PRKN: variants seen among roughly 807,000 people sequenced by gnomAD.
PRKN encodes E3 ubiquitin-protein ligase parkin.
Under a neutral mutation model 59.5 loss-of-function variants are expected in PRKN, and 56 were observed. The ratio of observed to expected loss-of-function variants is 0.94; its 90% confidence interval spans 0.76 to 1.18. The LOEUF is 1.18. Among genes scored for constraint, PRKN ranks in the 50% most tolerant of loss-of-function variants. The pLI is 0.00. For synonymous variants in PRKN, 250 were observed against 222.1 expected, an observed-to-expected ratio of 1.13 and a Z score of -1.12; for missense variants, 657 against 596.4, an observed-to-expected ratio of 1.10 and a Z score of -1.06.
chr6:161,654,106 G>A (rs965715525), intron 7 of PRKN, among the ~76,000 whole-genome samples: 11 of 151,954 alleles, frequency 7.2e-5, no homozygotes, highest in Non-Finnish European at 1.5e-4. Flanking sequence ...AGCTAGGAGC[G>A]CAGGTGTGAG....
In PRKN at chr6:161,819,318, C is replaced by T. The variant is rs181918376; in HGVS notation, c.735-33410G>A. Among the ~76,000 whole-genome samples, 390 of 152,104 alleles carry T rather than the reference C, an allele frequency of 2.6e-3. 3 individuals carry two copies. Among genetic ancestry groups the T allele is most frequent in the African/African-American group, 8.9e-3 (369 of 41,498 alleles). Reference sequence around the variant, plus strand: ...CCAGCCTGGACAACATGGTGAAACCCTATCTCTACTAAAAATACAAACATT... The same window carrying T: ...CCAGCCTGGACAACATGGTGAAACCTTATCTCTACTAAAAATACAAACATT... On this transcript the variant is annotated intron_variant, in intron 6 of 11. Coordinates refer to ENST00000366898, the MANE Select transcript of PRKN (RefSeq NM_004562.3).
At chr6:162,268,296 G>A (rs1780224085) in intron 2 of PRKN, among the ~76,000 whole-genome samples, 1 of 152,134 alleles carries the variant, frequency 6.6e-6, no homozygotes, top group African/African-American at 2.4e-5. Flanking sequence ...ATGGGGCAGA[G>A]CCTTCATGAA....
rs1257333293 is a variant in PRKN, at chr6:161,550,526, G to A, written c.934-1523C>T. 2.0e-5 allele frequency among the ~76,000 whole-genome samples: 3 copies of A among 152,198 alleles called. No homozygotes were observed. The highest frequency in any genetic ancestry group is 7.2e-5 in the African/African-American group (3 of 41,444). ...AAAAGATGGCACTGGCTTGAACCGG[G>A]AAGGTAGTGCTGGAGGTAGGATGAG... On this transcript the variant is annotated intron_variant, in intron 8 of 11. Coordinates refer to ENST00000366898, the MANE Select transcript of PRKN (RefSeq NM_004562.3). This position sits in a 1 kb window ranked among gnomAD's most constrained non-coding sequence, Gnocchi z 4.0.
chr6:162,627,081 C>T (rs1782926744), intron 1 of PRKN, among the ~76,000 whole-genome samples: 1 of 152,154 alleles, frequency 6.6e-6, no homozygotes, highest in African/African-American at 2.4e-5. Context: ...GTGCTGGAGA[C>T]TGAGATGCAA....
At chr6:161,738,600 G>C (rs1328425703) in intron 7 of PRKN, among the ~76,000 whole-genome samples, 2 of 152,178 alleles carry the variant, frequency 1.3e-5, no homozygotes, top group African/African-American at 4.8e-5. Context: ...GCAGATGCTG[G>C]AGAGGCATGG....
intron 1 of PRKN, among the ~76,000 whole-genome samples, chr6:162,634,201 C>A (rs1777623165): frequency 6.6e-6 from 1 of 152,184 alleles, no homozygotes; most frequent in Non-Finnish European, 1.5e-5. Context: ...TCTACCCTCA[C>A]AGGCCTCCCT....
intron 6 of PRKN, among the ~76,000 whole-genome samples, chr6:161,821,005 C>T (rs9346881): frequency 0.85 from 129,823 of 151,970 alleles, 56,231 homozygotes; most frequent in Middle Eastern, 0.93. Context: ...TTCACAGACA[C>T]AGATATACAT....
chr6:162,407,451 C>A (rs1295850882), intron 2 of PRKN, among the ~76,000 whole-genome samples: 1 of 152,176 alleles, frequency 6.6e-6, no homozygotes, highest in African/African-American at 2.4e-5. Context: ...GATATGTTAT[C>A]ATTGCAAATG....
At chr6:161,712,122 T>G (rs6455762) in intron 7 of PRKN, among the ~76,000 whole-genome samples, 78,768 of 151,936 alleles carry the variant, frequency 0.52, 21,331 homozygotes, top group Admixed American at 0.65. Flanking sequence ...ATACATGAGG[T>G]GAGGTAACAA....
At chr6:162,075,304 T>C (rs1778773489) in intron 4 of PRKN, among the ~76,000 whole-genome samples, 1 of 152,160 alleles carries the variant, frequency 6.6e-6, no homozygotes, top group South Asian at 2.1e-4. Flanking sequence ...GCTTATTAAA[T>C]AAGAAGTTTA....
At chr6:162,069,453 A>C (rs1213515922) in intron 4 of PRKN, among the ~76,000 whole-genome samples, 1 of 152,194 alleles carries the variant, frequency 6.6e-6, no homozygotes, top group Non-Finnish European at 1.5e-5. Flanking sequence ...AGAAATAAAT[A>C]CCAGATGTAA....
intron 2 of PRKN, among the ~76,000 whole-genome samples, chr6:162,436,432 A>G (rs1789775634): frequency 6.6e-6 from 1 of 151,200 alleles, no homozygotes; most frequent in Non-Finnish European, 1.5e-5. Context: ...TCCCAGGTTC[A>G]AGAGATTCTC....
intron 2 of PRKN, among the ~76,000 whole-genome samples, chr6:162,293,717 C>T (rs1165239024): frequency 1.3e-5 from 2 of 152,166 alleles, no homozygotes; most frequent in Non-Finnish European, 2.9e-5. Flanking sequence ...AGTGGGTGGA[C>T]CTGTACTCCA....
chr6:162,499,737 A>G (rs1050995602), intron 1 of PRKN, among the ~76,000 whole-genome samples: 9 of 152,204 alleles, frequency 5.9e-5, no homozygotes, highest in African/African-American at 1.9e-4. Context: ...CAAAGTTCTA[A>G]TGTGTCTCTA....
chr6:161,812,302 G>A (rs1791596583), intron 6 of PRKN, among the ~76,000 whole-genome samples: 1 of 152,090 alleles, frequency 6.6e-6, no homozygotes, highest in African/African-American at 2.4e-5. Flanking sequence ...CTAAGGCAGG[G>A]GGTGGGAGTC....
chr6:161,769,182 TTC>T (rs1789557308), intron 7 of PRKN, among the ~76,000 whole-genome samples: 1 of 152,196 alleles, frequency 6.6e-6, no homozygotes, highest in Non-Finnish European at 1.5e-5. Flanking sequence ...ACTATACAAC[TTC>T]AATTAAACCT....
intron 3 of PRKN, among the ~76,000 whole-genome samples, chr6:162,250,174 T>G (rs900834448): frequency 1.5e-5 from 2 of 134,166 alleles, no homozygotes; most frequent in South Asian, 5.6e-4. Context: ...AAAACCGTTT[T>G]GATTATTTAT....
At chr6:162,339,422 G>A (rs373768672) in intron 2 of PRKN, among the ~76,000 whole-genome samples, 28 of 144,080 alleles carry the variant, frequency 1.9e-4, no homozygotes, top group African/African-American at 6.6e-4. Flanking sequence ...CAGCCGCCCC[G>A]TCCGGGAGGT....
rs1389088452 is a variant in PRKN at position 161,480,612 on chromosome 6, GGA to G, written c.1083+68240_1083+68241del. Among the ~76,000 whole-genome samples, 1 of 152,128 alleles carries G rather than the reference GGA, an allele frequency of 6.6e-6. No homozygotes were observed. Among genetic ancestry groups the G allele is most frequent in the Non-Finnish European group, 1.5e-5 (1 of 68,028 alleles). On this transcript the variant is annotated intron_variant, in intron 9 of 11. Transcript: ENST00000366898. The surrounding 1 kb of genome is among the most constrained non-coding windows in gnomAD (Gnocchi z 4.1). ...ACAAGGAGCCAAGTACACTATTACA[GGA>G]AGCAGACAAGACTCAGGAAATATCG...
Sources: allele counts gnomAD v4.1 joint callset (sites outside exome capture counted in the v4.1 genomes callset), GRCh38; gene constraint gnomAD v4.1.1; non-coding constraint Gnocchi (gnomAD v3.1); transcripts MANE v1.5; gene names NCBI Gene and HGNC (gene_info 2026-07-23, HGNC 2026-07-21).